The following MYH7 variants were observed in gnomAD, a reference collection of about 807,000 sequenced individuals.
MYH7 encodes myosin heavy chain 7, also known as myosin-7.
Under a neutral mutation model 225.4 loss-of-function variants are expected in MYH7, and 129 were observed. That is an observed-to-expected ratio of 0.57 (90% CI 0.50 to 0.66). The LOEUF is 0.66. Ranked by LOEUF, MYH7 falls within the 30% of genes least tolerant of loss-of-function variation. MYH7 has a pLI of 0.00. For missense variants in MYH7, 1,649 were observed against 2,517.0 expected (o/e 0.66, Z 7.38); for synonymous variants, 971 against 1,007.6 (o/e 0.96, Z 0.69).
intron 25 of MYH7, among the ~76,000 whole-genome samples, 159 bp downstream of exon 25, chr14:23,422,021 G>A (rs1892490636): frequency 6.6e-6 from 1 of 152,218 alleles, no homozygotes; most frequent in Non-Finnish European, 1.5e-5. Flanking sequence ...TCTGGGACTA[G>A]GGGAGGAAAG....
chr14:23,426,790 C>T lies in MYH7; in HGVS notation c.2031G>A (p.Glu677=). The change falls in exon 18 of 40, where the codon GAG becomes GAA. Residue 677 remains glutamate (E), a synonymous_variant. Transcript: ENST00000355349. ...TTGTGGCCTCACCTGGAGACTTTGT[C>T]TCATTAGGGATGATACAACGTACAA... ...PHFVRCIIPN[E]TKSPGVMDNP... is the part of the protein sequence containing the mutation. 6.2e-7 allele frequency: 1 copy of T among 1,614,070 alleles called. No homozygotes were observed.
rs76614781 is a variant in MYH7, at chr14:23,416,508, G to A, written c.4645-196C>T. 0.061 allele frequency among the ~76,000 whole-genome samples: 9,356 copies of A among 152,206 alleles called. 363 individuals are homozygous for A. Among genetic ancestry groups the A allele is most frequent in the South Asian group, 0.096 (461 of 4,822 alleles). On this transcript the variant is annotated intron_variant, in intron 33 of 39. Coordinates refer to ENST00000355349, the MANE Select transcript of MYH7 (RefSeq NM_000257.4). ...GAGAAAGTGATTCAGGCCCTCACAG[G>A]GGAGAGCCAGCTATGAAGACAAGGA...
chr14:23,415,893 AC>A lies in MYH7; in HGVS notation c.4954-62del. 1 of 1,613,364 alleles carries A rather than the reference AC, an allele frequency of 6.2e-7. No homozygotes were observed. Among genetic ancestry groups the A allele is most frequent in the African/African-American group, 1.3e-5 (1 of 74,994 alleles). ...AGCCTCGGTTCCCTTCACTAAAGGC[AC>A]CTGTCAGAGGTCCCTGCAGTAACCT... On this transcript the variant is annotated intron_variant, in intron 34 of 39. Transcript: ENST00000355349. This position sits in a 1 kb window ranked among gnomAD's most constrained non-coding sequence, Gnocchi z 6.3.
chr14:23,430,408 A>G, intron 11 of MYH7, 152 bp downstream of exon 11: 2 of 710,022 alleles, frequency 2.8e-6, no homozygotes, highest in East Asian at 2.7e-5. Flanking sequence ...TCCATTCCCC[A>G]GTACACCCTG....
rs746821063 is a variant in MYH7, at chr14:23,425,718, G to A, written c.2263C>T (p.Gln755Ter). ...LLSSLDIDHN[Q>*]YKFGHTKVFF... Reference sequence around the variant, plus strand: ...ACCTTGGTGTGGCCAAACTTGTACTGGTTGTGATCAATGTCCAGGGAGCTG... The same window carrying A: ...ACCTTGGTGTGGCCAAACTTGTACTAGTTGTGATCAATGTCCAGGGAGCTG... The change falls in exon 20 of 40, where the codon CAG becomes TAG. Residue 755 changes from glutamine (Q) to a stop codon, truncating the protein, a stop_gained. Transcript: ENST00000355349. LOFTEE classifies it high-confidence loss of function. The surrounding 1 kb of genome is among the most constrained non-coding windows in gnomAD (Gnocchi z 4.6). 6.2e-7 allele frequency: 1 copy of A among 1,613,884 alleles called. No individual in the cohort carries two copies. The highest frequency in any genetic ancestry group is 8.5e-7 in the Non-Finnish European group (1 of 1,179,878).
intron 22 of MYH7, 34 bp downstream of exon 22, chr14:23,424,735 G>A (rs952168676): frequency 3.7e-6 from 6 of 1,612,714 alleles, no homozygotes; most frequent in Non-Finnish European, 5.1e-6. Context: ...GGCAGAGCAG[G>A]GTGGAAGAGC....
Position 23,417,771 on chromosome 14 carries a change from C to G in MYH7, c.4170-85G>C, listed in dbSNP as rs543275780. 106 of 1,536,624 alleles carry G rather than the reference C, an allele frequency of 6.9e-5. No homozygotes were observed. The African/African-American group carries it at 1.4e-3, about 20-fold the overall frequency. ...GAAACAACATGAACCTTCTCAAAGA[C>G]AATCCTTGAAACCTCAGAAGTGTAG... is the stretch of plus-strand genomic sequence containing the variant. On this transcript the variant is annotated intron_variant, in intron 30 of 39. Coordinates refer to ENST00000355349, the MANE Select transcript of MYH7 (RefSeq NM_000257.4).
Position 23,423,709 on chromosome 14 carries a change from T to G in MYH7, c.2937A>C (p.Thr979=). 6.2e-7 allele frequency: 1 copy of G among 1,614,134 alleles called. No homozygotes were observed. Among genetic ancestry groups the G allele is most frequent in the Non-Finnish European group, 8.5e-7 (1 of 1,180,006 alleles). ...TCTCATCCAGCCCAGCCATCTCCTC[T>G]GTCAGGTTTTTCACCTGCCGACCAA... The part of the protein sequence containing the change: ...HATENKVKNL[T]EEMAGLDEII... The change falls in exon 24 of 40, where the codon ACA becomes ACC. Residue 979 remains threonine, a synonymous_variant. Transcript: ENST00000355349.
At position 23,425,317 on chromosome 14, in the gene MYH7, G is replaced by T. The variant is rs397516144; in HGVS notation, c.2388C>A (p.Leu796=). The T allele has an allele frequency of 6.2e-7, 1 of 1,614,140 alleles. No individual in the cohort carries two copies. Residue 796 remains leucine (L), a synonymous_variant, in exon 21 of 40, where the codon CTC becomes CTA. Coordinates refer to ENST00000355349, the MANE Select transcript of MYH7 (RefSeq NM_000257.4). The surrounding 1 kb of genome is among the most constrained non-coding windows in gnomAD (Gnocchi z 4.6). ...TRIQAQSRGV[L]ARMEYKKLLE... ...GCAGCTTTTTGTACTCCATTCTGGCGAGCACACCTCGGGACTGGGCCTGGA... is the reference window on the plus strand; with the variant it reads ...GCAGCTTTTTGTACTCCATTCTGGCTAGCACACCTCGGGACTGGGCCTGGA...
In MYH7 at chr14:23,417,486, C is replaced by T. The variant is rs45581933; in HGVS notation, c.4353+17G>A. On this transcript the variant is annotated intron_variant, in intron 31 of 39. Coordinates refer to ENST00000355349, the MANE Select transcript of MYH7 (RefSeq NM_000257.4). ...CCTTGCCCTGCATGCTGGCTGCGGC[C>T]CCCACCCAGGGCCCACCTTGTCGAA... 2.6e-3 allele frequency: 4,207 copies of T among 1,612,292 alleles called. 121 individuals carry two copies. The African/African-American group carries it at 0.049, about 19-fold the overall frequency.
chr14:23,429,073 G>T lies in MYH7; in HGVS notation c.1289C>A (p.Ala430Glu), dbSNP rs1566535170. ...CCAGTTGAACATCCTCTCATACACT[G>T]CCTTGGCCAGTGCCCCAGTGGCATA... ...VIYATGALAK[A>E]VYERMFNWMV... The change falls in exon 14 of 40, where the codon GCA becomes GAA. Residue 430 changes from alanine (A) to glutamate (E), a missense_variant. By Grantham distance (107) the Ala-to-Glu change is moderately radical (BLOSUM62 -1). Around this residue, in one of 12 missense-constraint regions of MYH7, gnomAD observed 76 missense variants for 233.8 expected, o/e 0.33. Transcript: ENST00000355349. 6.2e-7 allele frequency: 1 copy of T among 1,614,200 alleles called. No homozygotes were observed. The highest frequency in any genetic ancestry group is 8.5e-7 in the Non-Finnish European group (1 of 1,180,038).
chr14:23,433,190 T>A lies in MYH7; in HGVS notation c.239A>T (p.Asn80Ile). Residue 80 changes from asparagine (N) to isoleucine (I), a missense_variant, in exon 4 of 40, where the codon AAC (asparagine) becomes ATC (isoleucine). Asn to Ile is a moderately radical substitution (Grantham distance 149, BLOSUM62 -3). Around this residue, in one of 12 missense-constraint regions of MYH7, gnomAD observed 77 missense variants for 144.0 expected, o/e 0.53. Coordinates refer to ENST00000355349, the MANE Select transcript of MYH7 (RefSeq NM_000257.4). This position sits in a 1 kb window ranked among gnomAD's most constrained non-coding sequence, Gnocchi z 4.1. ...CTCGATTTTGTCGAACTTGGGTGGG[T>A]TCTGCTGCATCACCTGGTCCTCCTT... Reference protein sequence around the residue: ...TVKEDQVMQQNPPKFDKIEDM... With the variant: ...TVKEDQVMQQIPPKFDKIEDM... The A allele has an allele frequency of 1.2e-6, 2 of 1,614,050 alleles. No individual in the cohort carries two copies. Among genetic ancestry groups the A allele is most frequent in the Non-Finnish European group, 1.7e-6 (2 of 1,180,006 alleles).
chr14:23,426,670 T>A, intron 18 of MYH7, 107 bp downstream of exon 18: 1 of 1,017,970 alleles, frequency 9.8e-7, no homozygotes, highest in East Asian at 2.4e-5. Flanking sequence ...AGGAGAAGAA[T>A]GTGGTTTGGA....
chr14:23,429,675 CAAAAAA>C (rs58343268), intron 12 of MYH7, 94 bp downstream of exon 12: 6 of 1,278,148 alleles, frequency 4.7e-6, no homozygotes, highest in South Asian at 1.3e-5. Context: ...GACTCCATCT[CAAAAAA>C]AAAAAAAAAA....
Position 23,427,787 on chromosome 14 carries a change from G to A in MYH7, c.1686C>T (p.Asn562=), listed in dbSNP as rs2138672359. The part of the protein sequence containing the change: ...LFDNHLGKSA[N]FQKPRNIKGK... ...CCTTGATATTGCGTGGCTTCTGGAA[G>A]TTGGCGGATTTGCCCAGGTGGTTGT... The change falls in exon 16 of 40, where the codon AAC becomes AAT. Residue 562 remains asparagine (N), a synonymous_variant. Transcript: ENST00000355349. The A allele has an allele frequency of 1.9e-6, 3 of 1,614,204 alleles. No individual in the cohort carries two copies. The highest frequency in any genetic ancestry group is 1.3e-5 in the African/African-American group (1 of 75,042).
At chr14:23,417,859 C>T (rs920671141) in intron 30 of MYH7, 173 bp from the exon 31 acceptor site, 42 of 1,013,382 alleles carry the variant, frequency 4.1e-5, no homozygotes, top group Middle Eastern at 3.0e-4. Context: ...CCCAGCAGGG[C>T]GTGGAGACCC....
rs397516211 is a variant in MYH7 at position 23,417,508 on chromosome 14, C to T, written c.4348G>A (p.Asp1450Asn). Residue 1450 changes from aspartate (D) to asparagine (N), a missense_variant, in exon 31 of 40, where the codon GAC becomes AAC. Asp to Asn is a conservative substitution (Grantham distance 23). Coordinates refer to ENST00000355349, the MANE Select transcript of MYH7 (RefSeq NM_000257.4). ...GGCCCCCACCCAGGGCCCACCTTGT[C>T]GAAGTTCCTCTGCTTCTTGTCCAGG... Reference protein sequence around the residue: ...AALDKKQRNFDKILAEWKQKY... With the variant: ...AALDKKQRNFNKILAEWKQKY... 1.7e-5 allele frequency: 28 copies of T among 1,612,200 alleles called. No individual in the cohort carries two copies. The highest frequency in any genetic ancestry group is 3.3e-5 in the Admixed American group (2 of 60,016).
chr14:23,420,292 C>G (rs895929978), intron 26 of MYH7, 58 bp from the exon 27 acceptor site: 3 of 1,586,068 alleles, frequency 1.9e-6, no homozygotes, highest in African/African-American at 2.7e-5. Flanking sequence ...GGAATCCCCC[C>G]GGCTCTAAAA....
intron 33 of MYH7, 67 bp downstream of exon 33, chr14:23,416,801 G>T (rs541315003): frequency 3.6e-4 from 572 of 1,610,874 alleles, no homozygotes; most frequent in Non-Finnish European, 4.6e-4. Context: ...CAAAGCGGGG[G>T]ATGAGAACAG....
Sources: gnomAD v4.1 joint callset for allele counts (sites outside exome capture counted in the v4.1 genomes callset) on GRCh38, gnomAD v4.1.1 for gene constraint, gnomAD v4.1.1 regional missense constraint, Gnocchi (gnomAD v3.1) non-coding constraint, MANE v1.5 for transcripts, NCBI Gene and HGNC (gene_info 2026-07-23, HGNC 2026-07-21) for gene names.